RXFP1: variants seen among roughly 807,000 people sequenced by gnomAD.
RXFP1 encodes relaxin receptor 1.
Under a neutral mutation model 89.8 loss-of-function variants are expected in RXFP1, and 73 were observed. That is an observed-to-expected ratio of 0.81 (90% CI 0.67 to 0.99). The LOEUF (loss-of-function observed/expected upper bound fraction) is 0.99. Ranked by LOEUF, RXFP1 falls within the 50% of genes least tolerant of loss-of-function variation. The pLI, the probability that RXFP1 is intolerant of heterozygous loss-of-function variation, is 0.00. For missense variants in RXFP1, 793 were observed against 895.5 expected (o/e 0.89, Z 1.46); for synonymous variants, 277 against 305.5 (o/e 0.91, Z 0.97).
chr4:158,573,018 G>GAT (rs1755427337), intron 2 of RXFP1, 183 bp downstream of exon 2: 1 of 723,620 alleles, frequency 1.4e-6, no homozygotes, highest in Non-Finnish European at 2.0e-6. Context: ...TCTTGTTTTT[G>GAT]TTTTTTTTTG....
intron 9 of RXFP1, among the ~76,000 whole-genome samples, chr4:158,618,179 CT>C (rs1764958784): frequency 6.6e-6 from 1 of 152,036 alleles, no homozygotes; most frequent in Non-Finnish European, 1.5e-5. Flanking sequence ...TTCAACATCC[CT>C]CATTAAAATT....
intron 1 of RXFP1, chr4:158,544,197 G>C (rs989745699): frequency 2.0e-6 from 2 of 985,316 alleles, no homozygotes; most frequent in Non-Finnish European, 2.4e-6. Context: ...CCGCAAGTCT[G>C]AGTTTATAAA....
At chr4:158,550,246 C>T (rs374409569) in intron 1 of RXFP1, among the ~76,000 whole-genome samples, 7 of 152,330 alleles carry the variant, frequency 4.6e-5, no homozygotes, top group East Asian at 3.9e-4. Flanking sequence ...TAGGACCCTC[C>T]GAGCCATGTG....
Position 158,573,056 on chromosome 4 carries a change from T to C in RXFP1, c.187+221T>C, listed in dbSNP as rs1755442613. The C allele has an allele frequency of 7.8e-6, 4 of 514,002 alleles. No homozygotes were observed. The Admixed American group carries it at 1.5e-4, about 19-fold the overall frequency. 31.8% of individuals were successfully genotyped at this position (514,002 alleles called of 1,614,324 possible). A position where few individuals can be genotyped will look rare whatever the true frequency, so the allele number is the denominator to read the frequency against. On this transcript the variant is annotated intron_variant, in intron 2 of 17. Transcript: ENST00000307765. ...ACGGAGTCTCGCTCTGTTGCCAGTCTGGAGTGCAGTGGCGTGATCTCGGCT... is the reference window on the plus strand; with the variant it reads ...ACGGAGTCTCGCTCTGTTGCCAGTCCGGAGTGCAGTGGCGTGATCTCGGCT...
At chr4:158,632,569 A>G (rs763559013) in intron 11 of RXFP1, among the ~76,000 whole-genome samples, 1 of 152,148 alleles carries the variant, frequency 6.6e-6, no homozygotes, top group Non-Finnish European at 1.5e-5. Flanking sequence ...CTACCACGAG[A>G]GGTGCTGCTG....
intron 5 of RXFP1, 44 bp from the exon 6 acceptor site, chr4:158,607,928 A>G (rs1351200228): frequency 7.5e-7 from 1 of 1,334,954 alleles, no homozygotes; most frequent in South Asian, 1.2e-5. Flanking sequence ...GCAAAAGTGA[A>G]ACTCTGCTTC....
At position 158,572,771 on chromosome 4, in the gene RXFP1, G is replaced by A; in HGVS notation, c.123G>A (p.Leu41=). The change falls in exon 2 of 18, where the codon TTG becomes TTA. Residue 41 remains leucine, a synonymous_variant. Coordinates refer to ENST00000307765, the MANE Select transcript of RXFP1 (RefSeq NM_021634.4). ...CCTGTGGGAACATCACAAAGTGCTT[G>A]CCTCAGCTCCTGCACTGTAACGGTG... ...YFPCGNITKC[L]PQLLHCNGVD... 1 of 1,614,180 alleles carries A rather than the reference G, an allele frequency of 6.2e-7. No homozygotes were observed. The highest frequency in any genetic ancestry group is 8.5e-7 in the Non-Finnish European group (1 of 1,180,044).
At chr4:158,548,640 G>C (rs1579515131) in intron 1 of RXFP1, among the ~76,000 whole-genome samples, 1 of 152,146 alleles carries the variant, frequency 6.6e-6, no homozygotes, top group Non-Finnish European at 1.5e-5. Context: ...TTTTAGGGCA[G>C]GCCTGGTGGT....
chr4:158,611,368 A>G (rs112505441), intron 6 of RXFP1, among the ~76,000 whole-genome samples: 2,043 of 152,302 alleles, frequency 0.013, 34 homozygotes, highest in African/African-American at 0.045. Context: ...CACTTTGCAG[A>G]GGAGTGGGAT....
chr4:158,521,754 G>T, upstream of RXFP1: 1 of 515,690 alleles, frequency 1.9e-6, no homozygotes, highest in Non-Finnish European at 3.4e-6. Context: ...ATTTAGAGAA[G>T]GAGGGCGGGG....
At chr4:158,620,174 A>T (rs909881825) in intron 9 of RXFP1, among the ~76,000 whole-genome samples, 1 of 152,222 alleles carries the variant, frequency 6.6e-6, no homozygotes, top group Admixed American at 6.5e-5. Flanking sequence ...GAGAAACAAA[A>T]AATTATTTCA....
intron 9 of RXFP1, among the ~76,000 whole-genome samples, chr4:158,621,591 A>T (rs1042807199): frequency 5.9e-5 from 9 of 152,246 alleles, no homozygotes; most frequent in Non-Finnish European, 1.0e-4. Flanking sequence ...TTAGGTTAAG[A>T]TAAATATTAG....
At chr4:158,631,567 A>G (rs1580216283) in intron 11 of RXFP1, among the ~76,000 whole-genome samples, 3 of 152,232 alleles carry the variant, frequency 2.0e-5, no homozygotes, top group South Asian at 4.1e-4. Context: ...AGAGGAATGC[A>G]TAGGAGAACA....
At chr4:158,563,496 G>GCACACACA (rs145181248) in intron 1 of RXFP1, among the ~76,000 whole-genome samples, 19 of 142,410 alleles carry the variant, frequency 1.3e-4, no homozygotes, top group African/African-American at 4.5e-4. Flanking sequence ...AGAATTCAAT[G>GCACACACA]CACACACACA....
At chr4:158,651,642 A>G in intron 17 of RXFP1, 115 bp from the exon 18 acceptor site, 1 of 733,752 alleles carries the variant, frequency 1.4e-6, no homozygotes, top group Non-Finnish European at 2.1e-6. Flanking sequence ...ATGTGACATC[A>G]AAGGAAAAAA....
intron 11 of RXFP1, among the ~76,000 whole-genome samples, chr4:158,629,458 T>A (rs1201747151): frequency 6.6e-6 from 1 of 152,190 alleles, no homozygotes; most frequent in Admixed American, 6.5e-5. Context: ...TTAATGCCAA[T>A]GACATAATTC....
rs1761598311 is a variant in RXFP1, at chr4:158,601,100, GAAT to G, written c.392+1670_392+1672del. ...AGAGGGCATGCCCCACACAAAGGTT[GAAT>G]CATTGAATTAATTCCCATTCAATTT... On this transcript the variant is annotated intron_variant, in intron 4 of 17. Coordinates refer to ENST00000307765, the MANE Select transcript of RXFP1 (RefSeq NM_021634.4). 2.0e-5 allele frequency among the ~76,000 whole-genome samples: 3 copies of G among 151,888 alleles called. No homozygotes were observed. In the South Asian group the frequency reaches 6.2e-4, roughly 32 times the overall value.
At chr4:158,565,731 A>G (rs1052109068) in intron 1 of RXFP1, among the ~76,000 whole-genome samples, 1 of 152,212 alleles carries the variant, frequency 6.6e-6, no homozygotes, top group African/African-American at 2.4e-5. Flanking sequence ...AGGAAGCCAT[A>G]AGTCTACCTG....
chr4:158,542,112 T>A (rs1271893879), intron 1 of RXFP1, among the ~76,000 whole-genome samples: 255 of 116,180 alleles, frequency 2.2e-3, no homozygotes, highest in African/African-American at 8.5e-3. Flanking sequence ...TATATATATT[T>A]TTTTTTTAGT....
Sources: gnomAD v4.1 joint callset for allele counts (sites outside exome capture counted in the v4.1 genomes callset) on GRCh38, gnomAD v4.1.1 for gene constraint, MANE v1.5 for transcripts, NCBI Gene and HGNC (gene_info 2026-07-23, HGNC 2026-07-21) for gene names.